The following KLRD1 variants were observed in gnomAD, a reference collection of about 807,000 sequenced individuals.
KLRD1 encodes natural killer cells antigen CD94.
In KLRD1, 21 loss-of-function variants were observed where a neutral mutation model predicts 22.6. The ratio of observed to expected loss-of-function variants is 0.93; its 90% confidence interval spans 0.66 to 1.34. The LOEUF (loss-of-function observed/expected upper bound fraction) is 1.34. Ranked by LOEUF, KLRD1 falls within the 40% of genes most tolerant of loss-of-function variation. The pLI is 0.00. For synonymous variants in KLRD1, 59 were observed against 71.1 expected (o/e 0.83, Z 0.85); for missense variants, 183 against 208.6 (o/e 0.88, Z 0.76).
chr12:10,313,219 A>T (rs1002299656), intron 4 of KLRD1, among the ~76,000 whole-genome samples, 191 bp from the exon 5 acceptor site: 1 of 152,120 alleles, frequency 6.6e-6, no homozygotes, highest in East Asian at 1.9e-4. Context: ...TTTTCTCCAT[A>T]TATGAATGGG....
intron 1 of KLRD1, among the ~76,000 whole-genome samples, chr12:10,242,984 T>G (rs1379104376): frequency 6.6e-6 from 1 of 152,146 alleles, no homozygotes; most frequent in East Asian, 1.9e-4. Context: ...TGTGACAATA[T>G]GGATGAATCT....
At chr12:10,273,590 T>C (rs1049443485) in intron 1 of KLRD1, among the ~76,000 whole-genome samples, 2 of 152,220 alleles carry the variant, frequency 1.3e-5, no homozygotes, top group African/African-American at 4.8e-5. Context: ...TCTCCTTTGA[T>C]GGATAGAAAT....
In KLRD1 at chr12:10,328,234, A is replaced by G. The variant is rs923419997; in HGVS notation, c.*13441A>G. ...ATATAATAGCTTGGGAAAGATGGCCATTAATTTCTCCTTAAATATTTGGTG... is the reference window on the plus strand; with the variant it reads ...ATATAATAGCTTGGGAAAGATGGCCGTTAATTTCTCCTTAAATATTTGGTG... On this transcript the variant is annotated 3_prime_UTR_variant, in exon 6 of 6. Coordinates refer to ENST00000336164, the MANE Select transcript of KLRD1 (RefSeq NM_002262.5). The G allele has an allele frequency of 6.6e-6, 1 of 152,162 alleles. No individual in the cohort carries two copies. Among genetic ancestry groups the G allele is most frequent in the African/African-American group, 2.4e-5 (1 of 41,444 alleles). The allele number at this position is 152,162 out of a possible 1,614,324, so 9.4% of individuals were successfully genotyped here.
At chr12:10,251,178 G>C (rs1949343213) in intron 1 of KLRD1, among the ~76,000 whole-genome samples, 1 of 152,092 alleles carries the variant, frequency 6.6e-6, no homozygotes. Flanking sequence ...AGGCTGGAGT[G>C]CAGTGGTGCG....
Position 10,272,969 on chromosome 12 carries a change from G to A in KLRD1, c.-100-35009G>A, listed in dbSNP as rs533004813. On this transcript the variant is annotated intron_variant, in intron 1 of 5. Transcript: ENST00000544747. ...GCATTTGAATGATTGTAACAGATAC[G>A]GATTTTCAGAAATACCTTTTTTGTG... Among the ~76,000 whole-genome samples the A allele has an allele frequency of 1.8e-3, 274 of 151,984 alleles. 1 individual carries two copies. Among genetic ancestry groups the A allele is most frequent in the Middle Eastern group, 3.4e-3 (1 of 292 alleles).
chr12:10,306,004 A>G (rs1362602112), upstream of KLRD1, among the ~76,000 whole-genome samples: 1 of 151,850 alleles, frequency 6.6e-6, no homozygotes, highest in Non-Finnish European at 1.5e-5. Context: ...CTACTAAAAA[A>G]AAAAAATACA....
chr12:10,242,056 G>A (rs1394981996), intron 1 of KLRD1, among the ~76,000 whole-genome samples: 1 of 78,722 alleles, frequency 1.3e-5, no homozygotes, highest in Non-Finnish European at 2.8e-5. Context: ...GGATTTCTTT[G>A]TTACTGTTCT....
At chr12:10,292,121 A>G (rs780427322) in intron 1 of KLRD1, among the ~76,000 whole-genome samples, 5 of 152,124 alleles carry the variant, frequency 3.3e-5, no homozygotes, top group Admixed American at 6.5e-5. Context: ...TTCACTTCTC[A>G]TTCTAGTTCC....
chr12:10,280,835 G>A (rs1461236302), intron 1 of KLRD1, among the ~76,000 whole-genome samples: 1 of 152,170 alleles, frequency 6.6e-6, no homozygotes, highest in Non-Finnish European at 1.5e-5. Flanking sequence ...GAAGCCTGTG[G>A]TGGTAGAGTT....
intron 1 of KLRD1, among the ~76,000 whole-genome samples, chr12:10,269,483 T>TATC (rs1321049754): frequency 3.0e-4 from 46 of 152,310 alleles, no homozygotes; most frequent in African/African-American, 9.9e-4. Flanking sequence ...ATCAGCCAGG[T>TATC]ATCTATTTGG....
Position 10,326,197 on chromosome 12 carries a change from G to A in KLRD1, c.*11404G>A, listed in dbSNP as rs1295460316. On this transcript the variant is annotated 3_prime_UTR_variant, in exon 6 of 6. Coordinates refer to ENST00000336164, the MANE Select transcript of KLRD1 (RefSeq NM_002262.5). ...ATTGAGTTGTAGGAGTTCTTTATATGTTTTGGATATTGACTCCTTTTCTGA... is the reference window on the plus strand; with the variant it reads ...ATTGAGTTGTAGGAGTTCTTTATATATTTTGGATATTGACTCCTTTTCTGA... 1 of 151,826 alleles carries A rather than the reference G, an allele frequency of 6.6e-6. No individual in the cohort carries two copies. Among genetic ancestry groups the A allele is most frequent in the African/African-American group, 2.4e-5 (1 of 41,298 alleles). 9.4% of individuals were successfully genotyped at this position (151,826 alleles called of 1,614,324 possible). A position where few individuals can be genotyped will look rare whatever the true frequency, so the allele number is the denominator to read the frequency against.
upstream of KLRD1, among the ~76,000 whole-genome samples, chr12:10,304,239 C>G (rs1197052439): frequency 6.6e-6 from 1 of 152,150 alleles, no homozygotes; most frequent in Non-Finnish European, 1.5e-5. Context: ...CTGGCCCAGA[C>G]AAACAGATAA....
intron 1 of KLRD1, among the ~76,000 whole-genome samples, chr12:10,278,002 T>C (rs981032580): frequency 4.1e-4 from 62 of 152,352 alleles, no homozygotes; most frequent in African/African-American, 1.4e-3. Flanking sequence ...ATTCTGGACA[T>C]GACAACACAG....
chr12:10,249,828 C>T (rs1278188956), intron 1 of KLRD1, among the ~76,000 whole-genome samples: 1 of 152,198 alleles, frequency 6.6e-6, no homozygotes, highest in Non-Finnish European at 1.5e-5. Flanking sequence ...GACCCTTACT[C>T]TGAGCTCTGC....
chr12:10,245,337 G>A (rs553234557), intron 1 of KLRD1, among the ~76,000 whole-genome samples: 16 of 152,064 alleles, frequency 1.1e-4, no homozygotes, highest in African/African-American at 3.4e-4. Flanking sequence ...CAGCCTGGGC[G>A]ACAGAGCAAG....
At chr12:10,279,701 A>G (rs1340918119) in intron 1 of KLRD1, among the ~76,000 whole-genome samples, 2 of 152,176 alleles carry the variant, frequency 1.3e-5, no homozygotes, top group African/African-American at 4.8e-5. Context: ...TGTATCAAGA[A>G]TTTTTCCATC....
In KLRD1 at chr12:10,318,100, G is replaced by C. The variant is rs1328858546; in HGVS notation, c.*3307G>C. Reference sequence around the variant, plus strand: ...GTGGGGACACAGCCAAGCCATATCAGTTAGTGACATCTGTATTCTCATATT... The same window carrying C: ...GTGGGGACACAGCCAAGCCATATCACTTAGTGACATCTGTATTCTCATATT... On this transcript the variant is annotated 3_prime_UTR_variant, in exon 6 of 6. Transcript: ENST00000336164. 2 of 152,178 alleles carry C rather than the reference G, an allele frequency of 1.3e-5. No individual in the cohort carries two copies. The highest frequency in any genetic ancestry group is 2.9e-5 in the Non-Finnish European group (2 of 68,040). 9.4% of individuals were successfully genotyped at this position (152,178 alleles called of 1,614,324 possible). A position where few individuals can be genotyped will look rare whatever the true frequency, so the allele number is the denominator to read the frequency against.
chr12:10,307,385 A>T (rs997355944), upstream of KLRD1, among the ~76,000 whole-genome samples: 7 of 152,150 alleles, frequency 4.6e-5, no homozygotes, highest in African/African-American at 1.7e-4. Flanking sequence ...TGGCCAGGAT[A>T]ATTAGGTAGA....
intron 1 of KLRD1, among the ~76,000 whole-genome samples, chr12:10,267,029 C>A (rs1375335082): frequency 6.6e-6 from 1 of 151,548 alleles, no homozygotes; most frequent in Non-Finnish European, 1.5e-5. Flanking sequence ...GTGTGCTGCA[C>A]CCATTAACTC....
Sources: gnomAD v4.1 joint callset for allele counts (sites outside exome capture counted in the v4.1 genomes callset) on GRCh38, gnomAD v4.1.1 for gene constraint, MANE v1.5 for transcripts, NCBI Gene and HGNC (gene_info 2026-07-23, HGNC 2026-07-21) for gene names.